Variants in MADD observed in about 807,000 individuals in gnomAD.
MADD encodes MAP kinase-activating death domain protein.
A neutral mutation model predicts 176.7 loss-of-function variants in MADD; 109 were observed. The observed-to-expected ratio is 0.62, with a 90% confidence interval of 0.53 to 0.72. MADD has a LOEUF of 0.72. MADD is among the 30% of genes least tolerant of loss of function. MADD has a pLI of 0.00. For synonymous variants in MADD, 771 were observed against 771.3 expected, an observed-to-expected ratio of 1.00 and a Z score of 0.01; for missense variants, 1,914 against 2,045.5, an observed-to-expected ratio of 0.94 and a Z score of 1.24.
At chr11:47,318,136 A>G (rs2093595348) in intron 27 of MADD, among the ~76,000 whole-genome samples, 1 of 152,184 alleles carries the variant, frequency 6.6e-6, no homozygotes, top group Non-Finnish European at 1.5e-5. Context: ...CATGGTTAGA[A>G]AAAGCCTTAC....
intron 22 of MADD, among the ~76,000 whole-genome samples, chr11:47,307,120 C>T (rs1349813833): frequency 6.7e-6 from 1 of 149,712 alleles, no homozygotes; most frequent in Non-Finnish European, 1.5e-5. Flanking sequence ...TGCTATGTTG[C>T]CCAGGCTGGT....
chr11:47,293,960 G>A (rs1392494210), exon 20 of MADD: 2 of 1,614,036 alleles, frequency 1.2e-6, no homozygotes, highest in Non-Finnish European at 8.5e-7. Flanking sequence ...AGACAGTGGT[G>A]TGAGCCTGAC....
At chr11:47,328,193 G>A in intron 31 of MADD, 1 of 1,065,682 alleles carries the variant, frequency 9.4e-7, no homozygotes, top group Non-Finnish European at 1.1e-6. Context: ...AACGGGAACT[G>A]TGTTTAACAT....
At position 47,289,412 on chromosome 11, in the gene MADD, A is replaced by T; in HGVS notation, c.2675A>T (p.Asp892Val). Residue 892 changes from aspartate to valine, a missense_variant, in exon 16 of 33, where the codon GAT becomes GTT. By Grantham distance (152) the Asp-to-Val change is radical. Transcript: ENST00000402192. ...ACAGGAAACAGGAGGGCGTTAGTGG[A>T]TCAGAAGTCATCTGTCATTAAACAC... The T allele has an allele frequency of 2.5e-6, 4 of 1,614,172 alleles. No homozygotes were observed. Among genetic ancestry groups the T allele is most frequent in the Non-Finnish European group, 3.4e-6 (4 of 1,180,008 alleles).
chr11:47,294,360 A>AT (rs2068417292), intron 20 of MADD, among the ~76,000 whole-genome samples: 2 of 119,654 alleles, frequency 1.7e-5, no homozygotes, highest in African/African-American at 3.6e-5. Context: ...AAAAAAAAAA[A>AT]AAATAAAAAT....
In MADD at chr11:47,295,885, T is replaced by A; in HGVS notation, c.3484-12T>A. 1 of 1,608,392 alleles carries A rather than the reference T, an allele frequency of 6.2e-7. No homozygotes were observed. The highest frequency in any genetic ancestry group is 2.2e-5 in the East Asian group (1 of 44,816). ...CTGGGGACTGTCTCTTACTACCTTT[T>A]TTCCTTTCCAGGTGAGTAATAGCTC... On this transcript the variant is annotated splice_polypyrimidine_tract_variant and intron_variant, in intron 21 of 32. Coordinates refer to ENST00000402192, the Ensembl canonical transcript of MADD.
intron 1 of MADD, among the ~76,000 whole-genome samples, 172 bp downstream of exon 1, chr11:47,270,418 A>G (rs1327830490): frequency 1.1e-4 from 13 of 119,256 alleles, no homozygotes; most frequent in African/African-American, 3.4e-4. Flanking sequence ...GGGGACGGGG[A>G]TGGGGGCGCC....
Position 47,281,565 on chromosome 11 carries a change from T to C in MADD, c.1291-10T>C. 6.3e-7 allele frequency: 1 copy of C among 1,585,202 alleles called. No homozygotes were observed. Among genetic ancestry groups the C allele is most frequent in the Non-Finnish European group, 8.6e-7 (1 of 1,160,698 alleles). On this transcript the variant is annotated splice_polypyrimidine_tract_variant and intron_variant, in intron 7 of 32. Transcript: ENST00000402192. ...TTCCTTGTGTAAGGAATTTTCTTGT[T>C]GTTCCACAGGCCTTGGCCAGCATGA... is the stretch of plus-strand genomic sequence containing the variant.
chr11:47,315,187 A>G (rs570942195), intron 26 of MADD, 33 bp from the exon 30 acceptor site: 2 of 1,351,232 alleles, frequency 1.5e-6, no homozygotes, highest in African/African-American at 1.4e-5. Context: ...AGAGGGATGT[A>G]TGACTGTCCC....
At chr11:47,321,422 A>G (rs1205378586) in intron 27 of MADD, among the ~76,000 whole-genome samples, 1 of 152,168 alleles carries the variant, frequency 6.6e-6, no homozygotes, top group South Asian at 2.1e-4. Flanking sequence ...TTACTCACTC[A>G]CCTAATATTT....
intron 14 of MADD, among the ~76,000 whole-genome samples, chr11:47,285,837 G>A (rs2060239780): frequency 6.6e-6 from 1 of 152,142 alleles, no homozygotes; most frequent in Non-Finnish European, 1.5e-5. Context: ...ATGGGTAACT[G>A]GAAAACAGGC....
In MADD at chr11:47,305,328, CTG is replaced by C. The variant is rs2081753325; in HGVS notation, c.3643-3260_3643-3259del. Among the ~76,000 whole-genome samples, 3 of 152,112 alleles carry C rather than the reference CTG, an allele frequency of 2.0e-5. No individual in the cohort carries two copies. In the South Asian group the frequency reaches 6.2e-4, roughly 31 times the overall value. ...GGGTATTGGGGTACAGATTTGCTCT[CTG>C]TGGCAAGGTTGGATGTAGGTTGCCC... On this transcript the variant is annotated intron_variant, in intron 22 of 32. Transcript: ENST00000402192.
intron 22 of MADD, among the ~76,000 whole-genome samples, chr11:47,297,032 T>A (rs1272037457): frequency 2.0e-5 from 3 of 152,150 alleles, no homozygotes; most frequent in Non-Finnish European, 4.4e-5. Flanking sequence ...CCTTGGCCTC[T>A]TAAAGTGGCA....
exon 3 of MADD, chr11:47,274,585 G>T: frequency 6.2e-7 from 1 of 1,613,126 alleles, no homozygotes; most frequent in South Asian, 1.1e-5. Flanking sequence ...TGATAGCGTG[G>T]CCCAGACTCC....
In MADD at chr11:47,285,466, G is replaced by T. The variant is rs1474939267; in HGVS notation, c.2427G>T (p.Leu809=). The change falls in exon 14 of 33, where the codon CTG becomes CTT. Residue 809 remains leucine (L), a synonymous_variant. Coordinates refer to ENST00000402192, the Ensembl canonical transcript of MADD. ...TGCATTCAAGGGCTCAAAAGCTGCT[G>T]CGGCCCAACAGCTTGAGACTGGCAA... is the stretch of plus-strand genomic sequence containing the variant. 5.6e-6 allele frequency: 9 copies of T among 1,614,048 alleles called. No homozygotes were observed. In the African/African-American group the frequency reaches 1.2e-4, roughly 22 times the overall value.
exon 5 of MADD, chr11:47,276,748 G>A (rs764689035): frequency 7.4e-6 from 12 of 1,614,008 alleles, no homozygotes; most frequent in Non-Finnish European, 9.3e-6. Context: ...CTACAGTCCC[G>A]AGACTACAAT....
chr11:47,295,832 A>G (rs2071097458), intron 21 of MADD, 65 bp from the exon 24 acceptor site: 3 of 1,557,942 alleles, frequency 1.9e-6, no homozygotes, highest in South Asian at 2.4e-5. Flanking sequence ...AGGGAGCTCT[A>G]ACAGCTTGGT....
chr11:47,285,330 G>C (rs539101721), intron 13 of MADD, 121 bp from the exon 14 acceptor site: 1 of 1,553,128 alleles, frequency 6.4e-7, no homozygotes, highest in Non-Finnish European at 8.7e-7. Flanking sequence ...ATGGTGTTCT[G>C]ATCCAGGGGC....
At chr11:47,270,661 C>T (rs1017089019) in intron 1 of MADD, 1 of 152,140 alleles carries the variant, frequency 6.6e-6, no homozygotes, top group Non-Finnish European at 1.5e-5. Flanking sequence ...GTTTGGTTCT[C>T]AAGAAATTTT....
Sources: allele counts gnomAD v4.1 joint callset (sites outside exome capture counted in the v4.1 genomes callset), GRCh38; gene constraint gnomAD v4.1.1; transcripts MANE v1.5; gene names NCBI Gene and HGNC (gene_info 2026-07-23, HGNC 2026-07-21).